The following VTA1 variants were observed in gnomAD, a reference collection of about 807,000 sequenced individuals.
VTA1 encodes the protein vesicle trafficking 1, also known as vacuolar protein sorting-associated protein VTA1 homolog.
A neutral mutation model predicts 36.9 loss-of-function variants in VTA1; 24 were observed. The ratio of observed to expected loss-of-function variants is 0.65; its 90% CI spans 0.47 to 0.91. The LOEUF (loss-of-function observed/expected upper bound fraction) is 0.91. Among genes scored for constraint, VTA1 ranks in the 40% least tolerant of loss-of-function variants. The pLI is 0.00. For missense variants in VTA1, 393 were observed against 377.2 expected, an observed-to-expected ratio of 1.04 and a Z score of -0.35; for synonymous variants, 142 against 130.2, an observed-to-expected ratio of 1.09 and a Z score of -0.62.
intron 2 of VTA1, among the ~76,000 whole-genome samples, chr6:142,166,627 T>C (rs60744075): frequency 0.011 from 1,661 of 151,802 alleles, 33 homozygotes; most frequent in African/African-American, 0.038. Flanking sequence ...TTTTTTTTTT[T>C]AAGTTGAGAC....
intron 7 of VTA1, among the ~76,000 whole-genome samples, chr6:142,208,480 A>G (rs1775839973): frequency 6.6e-6 from 1 of 152,188 alleles, no homozygotes; most frequent in Non-Finnish European, 1.5e-5. Flanking sequence ...TTGATGTTCA[A>G]GAGGGAGCTG....
Position 142,198,147 on chromosome 6 carries a change from GTGTGTGTGTGTGTGTGTA to G in VTA1, c.521-290_521-273del, listed in dbSNP as rs1562266855. On this transcript the variant is annotated intron_variant, in intron 5 of 7. Coordinates refer to ENST00000367630, the MANE Select transcript of VTA1 (RefSeq NM_016485.5). ...TGTGTGTGTGTGTGTGTGTGTGTGT[GTGTGTGTGTGTGTGTGTA>G]TATGTGTGTACATATACACTATATG... Among the ~76,000 whole-genome samples, 187 of 148,920 alleles carry G rather than the reference GTGTGTGTGTGTGTGTGTA, an allele frequency of 1.3e-3. 1 individual carries two copies. Among genetic ancestry groups the G allele is most frequent in the African/African-American group, 4.2e-3 (170 of 40,680 alleles).
In VTA1 at chr6:142,222,751, A is replaced by G. The variant is rs961363909; in HGVS notation, c.*4108A>G. Reference sequence around the variant, plus strand: ...ACTGCAGGCTTGTTCATTGGAGTACACTTAAGTAGGACAAATTCTAAGTAA... The same window carrying G: ...ACTGCAGGCTTGTTCATTGGAGTACGCTTAAGTAGGACAAATTCTAAGTAA... On this transcript the variant is annotated 3_prime_UTR_variant, in exon 8 of 8. Transcript: ENST00000367630. 2.3e-5 allele frequency: 2 copies of G among 88,774 alleles called. No individual in the cohort carries two copies. The highest frequency in any genetic ancestry group is 1.0e-4 in the Admixed American group (1 of 10,022). The allele number at this position is 88,774 out of a possible 1,614,324, so 5.5% of individuals were successfully genotyped here. A position where few individuals can be genotyped will look rare whatever the true frequency, so the allele number is the denominator to read the frequency against.
At chr6:142,184,120 G>T (rs891715211) in intron 4 of VTA1, among the ~76,000 whole-genome samples, 4 of 152,140 alleles carry the variant, frequency 2.6e-5, no homozygotes, top group African/African-American at 7.2e-5. Flanking sequence ...TCATTTACTT[G>T]TAAAATAGTT....
intron 1 of VTA1, among the ~76,000 whole-genome samples, chr6:142,150,644 T>C (rs532563934): frequency 1.3e-5 from 2 of 152,308 alleles, no homozygotes; most frequent in African/African-American, 4.8e-5. Flanking sequence ...TAGACCTTCC[T>C]ATCTTTCCTG....
At chr6:142,162,085 T>C (rs980719612) in intron 1 of VTA1, among the ~76,000 whole-genome samples, 17 of 152,222 alleles carry the variant, frequency 1.1e-4, no homozygotes, top group Admixed American at 1.0e-3. Flanking sequence ...TAGGCCAGGC[T>C]AATTAAACTA....
intron 1 of VTA1, among the ~76,000 whole-genome samples, chr6:142,164,246 A>G (rs1206707033): frequency 6.6e-6 from 1 of 152,226 alleles, no homozygotes; most frequent in Non-Finnish European, 1.5e-5. Flanking sequence ...TTGTAAGGAG[A>G]TAACATTTGA....
chr6:142,156,544 A>G (rs1186071672), intron 1 of VTA1, among the ~76,000 whole-genome samples: 1 of 152,226 alleles, frequency 6.6e-6, no homozygotes, highest in Non-Finnish European at 1.5e-5. Flanking sequence ...GGTGCTGTAG[A>G]TAAAGCTAAA....
intron 1 of VTA1, among the ~76,000 whole-genome samples, chr6:142,161,416 G>T (rs1774807034): frequency 6.6e-6 from 1 of 151,972 alleles, no homozygotes; most frequent in African/African-American, 2.4e-5. Context: ...TGTTCTTATG[G>T]ATAAGCAAGG....
At chr6:142,213,683 T>C (rs1775947460) in intron 7 of VTA1, among the ~76,000 whole-genome samples, 1 of 152,238 alleles carries the variant, frequency 6.6e-6, no homozygotes, top group Non-Finnish European at 1.5e-5. Context: ...TCTTGCCTTC[T>C]GCGCACCCAT....
At chr6:142,152,212 A>G (rs1027715427) in intron 1 of VTA1, among the ~76,000 whole-genome samples, 1 of 152,110 alleles carries the variant, frequency 6.6e-6, no homozygotes, top group Non-Finnish European at 1.5e-5. Flanking sequence ...AAAGAAGATG[A>G]TGAATCTTTA....
chr6:142,161,852 T>C (rs1774816575), intron 1 of VTA1, among the ~76,000 whole-genome samples: 1 of 152,178 alleles, frequency 6.6e-6, no homozygotes, highest in African/African-American at 2.4e-5. Flanking sequence ...CAAGGAATTT[T>C]CCTTTTTATT....
intron 5 of VTA1, among the ~76,000 whole-genome samples, chr6:142,190,687 A>G (rs1775438873): frequency 6.6e-6 from 1 of 152,210 alleles, no homozygotes; most frequent in African/African-American, 2.4e-5. Context: ...TTTGTTACAC[A>G]CTTTTATGCA....
At chr6:142,159,959 G>T (rs543642609) in intron 1 of VTA1, among the ~76,000 whole-genome samples, 5 of 151,890 alleles carry the variant, frequency 3.3e-5, no homozygotes, top group African/African-American at 1.2e-4. Flanking sequence ...TTTTGTCATT[G>T]TTTGATCTCA....
chr6:142,218,440 A>G (rs1421692408), intron 7 of VTA1, 58 bp from the exon 8 acceptor site: 4 of 1,576,504 alleles, frequency 2.5e-6, no homozygotes, highest in Non-Finnish European at 3.5e-6. Context: ...CATTTGCCCA[A>G]CCTTACAGAA....
At chr6:142,178,733 T>A (rs964107931) in intron 4 of VTA1, among the ~76,000 whole-genome samples, 13 of 152,060 alleles carry the variant, frequency 8.5e-5, no homozygotes, top group Non-Finnish European at 1.8e-4. Context: ...ATTTTAGACC[T>A]AAATACAGCT....
At chr6:142,215,255 G>A (rs1442822301) in intron 7 of VTA1, among the ~76,000 whole-genome samples, 2 of 151,946 alleles carry the variant, frequency 1.3e-5, no homozygotes, top group East Asian at 1.9e-4. Flanking sequence ...TGGCTAACAC[G>A]GTGAAACCCC....
At position 142,218,790 on chromosome 6, in the gene VTA1, G is replaced by T; in HGVS notation, c.*147G>T. 1.1e-6 allele frequency: 1 copy of T among 942,506 alleles called. No homozygotes were observed. The highest frequency in any genetic ancestry group is 2.8e-4 in the Middle Eastern group (1 of 3,524). The allele number at this position is 942,506 out of a possible 1,614,324, so 58.4% of individuals were successfully genotyped here. A position where few individuals can be genotyped will look rare whatever the true frequency, so the allele number is the denominator to read the frequency against. On this transcript the variant is annotated 3_prime_UTR_variant, in exon 8 of 8. Coordinates refer to ENST00000367630, the MANE Select transcript of VTA1 (RefSeq NM_016485.5). ...AATCTGTGTGTATCAGATTTTTATT[G>T]AAGCATTCATCAGCAGCCTCAACCA...
At chr6:142,176,897 A>T (rs910040907) in intron 4 of VTA1, among the ~76,000 whole-genome samples, 3 of 152,130 alleles carry the variant, frequency 2.0e-5, no homozygotes, top group African/African-American at 7.2e-5. Flanking sequence ...AGGGCTGCAC[A>T]TTTACTGAGG....
Sources: gnomAD v4.1 joint callset for allele counts (sites outside exome capture counted in the v4.1 genomes callset) on GRCh38, gnomAD v4.1.1 for gene constraint, MANE v1.5 for transcripts, NCBI Gene and HGNC (gene_info 2026-07-23, HGNC 2026-07-21) for gene names.